The following CD1B variants were observed in gnomAD, a reference collection of about 807,000 sequenced individuals.
CD1B encodes the protein T-cell surface glycoprotein CD1b.
CD1B carries 43 observed loss-of-function variants against 39.8 expected under a neutral mutation model. The ratio of observed to expected loss-of-function variants is 1.08; its 90% CI spans 0.85 to 1.39. The LOEUF (loss-of-function observed/expected upper bound fraction) is 1.39, where lower values mean the gene tolerates loss of function less well. CD1B is among the 40% of genes most tolerant of loss of function. CD1B has a pLI of 0.00. For synonymous variants in CD1B, 192 were observed against 152.5 expected, an observed-to-expected ratio of 1.26 and a Z score of -1.91; for missense variants, 495 against 403.8, an observed-to-expected ratio of 1.23 and a Z score of -1.94.
rs1652472777 is a variant in CD1B, at chr1:158,329,023, TGA to T, written c.887-11_887-10del. 4.4e-6 allele frequency: 7 copies of T among 1,605,920 alleles called. No homozygotes were observed. In the South Asian group the frequency reaches 5.5e-5, roughly 13 times the overall value. Reference sequence around the variant, plus strand: ...AATGGAGGTGGGGTTTCCTGGCAATTGAGAGAGGACAAAAGGATGTCACTTCA... The same window carrying T: ...AATGGAGGTGGGGTTTCCTGGCAATTGAGAGGACAAAAGGATGTCACTTCA... On this transcript the variant is annotated splice_polypyrimidine_tract_variant and intron_variant, in intron 4 of 5. Transcript: ENST00000368168.
chr1:158,306,128 C>T, the CD1B span, among the ~76,000 whole-genome samples: 10 of 152,180 alleles, frequency 6.6e-5, no homozygotes. Flanking sequence ...TTAAAAGACA[C>T]ATACTGGCAA....
At chr1:158,301,334 T>C in the CD1B span, among the ~76,000 whole-genome samples, 3 of 152,178 alleles carry the variant, frequency 2.0e-5, no homozygotes, top group East Asian at 1.9e-4. Context: ...GTCTTTATGA[T>C]GTTAGCTGGT....
At chr1:158,314,346 T>G in the CD1B span, among the ~76,000 whole-genome samples, 2 of 152,224 alleles carry the variant, frequency 1.3e-5, no homozygotes, top group Admixed American at 1.3e-4. Context: ...CCTCCCAAAG[T>G]GCTGGGATTA....
At chr1:158,291,412 C>A in the CD1B span, 4 of 1,611,558 alleles carry the variant, frequency 2.5e-6, no homozygotes, top group East Asian at 2.2e-5. Flanking sequence ...TAAGTTCAAT[C>A]ATCTAAATTA....
chr1:158,288,318 A>G, the CD1B span, among the ~76,000 whole-genome samples: 2 of 152,240 alleles, frequency 1.3e-5, no homozygotes, highest in African/African-American at 4.8e-5. Flanking sequence ...GAAATAGTGT[A>G]TATATCAAAG....
the CD1B span, among the ~76,000 whole-genome samples, chr1:158,319,776 T>C: frequency 6.6e-6 from 1 of 152,262 alleles, no homozygotes; most frequent in Non-Finnish European, 1.5e-5. Flanking sequence ...GTTCTGTTTT[T>C]TCCCCATCTT....
downstream of CD1B, among the ~76,000 whole-genome samples, chr1:158,325,640 T>TAC (rs57890038): frequency 0.027 from 4,050 of 149,066 alleles, 68 homozygotes; most frequent in African/African-American, 0.04. Flanking sequence ...ATACATTTTA[T>TAC]ACACACACAC....
the CD1B span, among the ~76,000 whole-genome samples, chr1:158,319,680 G>A: frequency 2.0e-5 from 3 of 152,218 alleles, no homozygotes; most frequent in African/African-American, 4.8e-5. Context: ...GTCGTTCTCT[G>A]TCCAGCTTTG....
the CD1B span, among the ~76,000 whole-genome samples, chr1:158,295,307 A>T: frequency 6.6e-6 from 1 of 152,080 alleles, no homozygotes; most frequent in East Asian, 1.9e-4. Flanking sequence ...TGCGAACCCT[A>T]CACAGGGTTG....
downstream of CD1B, among the ~76,000 whole-genome samples, chr1:158,327,430 T>C (rs1652394463): frequency 6.6e-6 from 1 of 152,124 alleles, no homozygotes; most frequent in African/African-American, 2.4e-5. Flanking sequence ...CATAATATTT[T>C]TTGGCTAAGT....
intron 1 of CD1B, 40 bp downstream of exon 1, chr1:158,331,323 C>T (rs762956521): frequency 1.3e-6 from 2 of 1,567,976 alleles, no homozygotes; most frequent in Admixed American, 1.7e-5. Flanking sequence ...AAAATCCAAA[C>T]CCCTGCACCA....
In CD1B at chr1:158,330,778, T is replaced by C; in HGVS notation, c.328+18A>G. Reference sequence around the variant, plus strand: ...GAGAGTCCTTGAGACTCTTCCCAGTTCGGTGGACTAGACTCACATTTCATC... The same window carrying C: ...GAGAGTCCTTGAGACTCTTCCCAGTCCGGTGGACTAGACTCACATTTCATC... On this transcript the variant is annotated intron_variant, in intron 2 of 5. Transcript: ENST00000368168. The C allele has an allele frequency of 3.1e-6, 5 of 1,613,330 alleles. No individual in the cohort carries two copies. The highest frequency in any genetic ancestry group is 4.2e-6 in the Non-Finnish European group (5 of 1,179,342).
chr1:158,329,353 T>TC lies in CD1B; in HGVS notation c.886+16dup, dbSNP rs773667721. ...CACTTCCTGGCATTTCCAGCCTGGG[T>TC]CCCTGCTATTTCTTACTCCAGTAGA... On this transcript the variant is annotated intron_variant, in intron 4 of 5. Coordinates refer to ENST00000368168, the MANE Select transcript of CD1B (RefSeq NM_001764.3). 1.9e-6 allele frequency: 3 copies of TC among 1,603,538 alleles called. No individual in the cohort carries two copies. Among genetic ancestry groups the TC allele is most frequent in the East Asian group, 4.5e-5 (2 of 44,666 alleles).
At chr1:158,305,400 T>G in the CD1B span, among the ~76,000 whole-genome samples, 2,011 of 152,000 alleles carry the variant, frequency 0.013, 45 homozygotes, top group African/African-American at 0.044. Flanking sequence ...AAAAAGAAAT[T>G]AACAAAGCCT....
chr1:158,286,624 G>C, the CD1B span, among the ~76,000 whole-genome samples: 1 of 152,294 alleles, frequency 6.6e-6, no homozygotes, highest in East Asian at 1.9e-4. Flanking sequence ...CTGTCCCACA[G>C]GATGAAAGCA....
the CD1B span, chr1:158,292,897 T>C: frequency 1.9e-6 from 3 of 1,610,772 alleles, no homozygotes; most frequent in Non-Finnish European, 2.5e-6. Context: ...GTTGGAAGTG[T>C]AGGTAGGTGG....
At chr1:158,303,539 A>C in the CD1B span, among the ~76,000 whole-genome samples, 1 of 152,318 alleles carries the variant, frequency 6.6e-6, no homozygotes, top group South Asian at 2.1e-4. Context: ...TCTCTGTGCA[A>C]AGGGTTCTAA....
chr1:158,320,243 G>A, the CD1B span, among the ~76,000 whole-genome samples: 3 of 152,150 alleles, frequency 2.0e-5, no homozygotes, highest in Admixed American at 6.5e-5. Context: ...AATGGTGGGC[G>A]CCCCTGCCTC....
downstream of CD1B, among the ~76,000 whole-genome samples, chr1:158,326,215 G>T (rs539088344): frequency 1.3e-5 from 2 of 151,900 alleles, no homozygotes; most frequent in South Asian, 4.1e-4. Flanking sequence ...CTCGTGATCC[G>T]CCCGCCTCGG....
Sources: gnomAD v4.1 joint callset for allele counts (sites outside exome capture counted in the v4.1 genomes callset) on GRCh38, gnomAD v4.1.1 for gene constraint, MANE v1.5 for transcripts, NCBI Gene and HGNC (gene_info 2026-07-23, HGNC 2026-07-21) for gene names.